Variants in POSTN observed in about 807,000 individuals in gnomAD.
The protein encoded by POSTN is periostin, also known as osteoblast specific factor 2 (fasciclin I-like).
POSTN carries 71 observed loss-of-function variants against 104.5 expected under a neutral mutation model. The observed-to-expected ratio is 0.68, with a 90% CI of 0.56 to 0.83. The LOEUF is 0.83. Among genes scored for constraint, POSTN ranks in the 40% least tolerant of loss-of-function variants. POSTN has a pLI of 0.00. For missense variants in POSTN, 949 were observed against 1,006.8 expected, an observed-to-expected ratio of 0.94 and a Z score of 0.78; for synonymous variants, 355 against 340.7, an observed-to-expected ratio of 1.04 and a Z score of -0.46.
At position 37,590,434 on chromosome 13, in the gene POSTN, C is replaced by G; in HGVS notation, c.379G>C (p.Glu127Gln). ...SDASKLREEI[E>Q]GKGSFTYFAP... is the part of the protein sequence containing the mutation. ...AAGTAAGTGAAGGATCCCTTTCCCT[C>G]GATCTCCTCCCTCAGTTTTGAGGCG... The change falls in exon 4 of 23, where the codon GAG (glutamate) becomes CAG (glutamine). Residue 127 changes from glutamate (E) to glutamine (Q), a missense_variant. Physicochemically the swap from Glu to Gln is conservative, Grantham distance 29. Transcript: ENST00000379747. 1.2e-6 allele frequency: 2 copies of G among 1,612,356 alleles called. No individual in the cohort carries two copies. Among genetic ancestry groups the G allele is most frequent in the Non-Finnish European group, 1.7e-6 (2 of 1,179,134 alleles).
At chr13:37,579,467 A>C in intron 12 of POSTN, 108 bp from the exon 13 acceptor site, 3 of 921,874 alleles carry the variant, frequency 3.3e-6, no homozygotes, top group Non-Finnish European at 4.9e-6. Context: ...GTACTTTCTC[A>C]TAATATCATT....
At chr13:37,563,506 C>T in intron 22 of POSTN, 136 bp from the exon 23 acceptor site, 1 of 403,712 alleles carries the variant, frequency 2.5e-6, no homozygotes, top group Non-Finnish European at 4.4e-6. Flanking sequence ...TTCTTAATAT[C>T]TTCAACTTAT....
At chr13:37,573,021 G>T (rs1950301281) in intron 17 of POSTN, among the ~76,000 whole-genome samples, 1 of 151,420 alleles carries the variant, frequency 6.6e-6, no homozygotes, top group South Asian at 2.1e-4. Flanking sequence ...ATGTAGAGAT[G>T]ACCCGCCAGT....
chr13:37,590,655 G>T, intron 3 of POSTN, 126 bp from the exon 4 acceptor site: 1 of 716,686 alleles, frequency 1.4e-6, no homozygotes. Context: ...ACAATTATAT[G>T]AATAATCATT....
rs772378851 is a variant in POSTN, at chr13:37,590,407, C to A, written c.406G>T (p.Ala136Ser). 1.2e-6 allele frequency: 2 copies of A among 1,602,606 alleles called. No homozygotes were observed. Among genetic ancestry groups the A allele is most frequent in the South Asian group, 1.1e-5 (1 of 89,348 alleles). ...TTGTCCCAAGCCTCATTACTCGGTG[C>A]AAAGTAAGTGAAGGATCCCTTTCCC... is the stretch of plus-strand genomic sequence containing the variant. Reference protein sequence around the residue: ...IEGKGSFTYFAPSNEAWDNLD... With the variant: ...IEGKGSFTYFSPSNEAWDNLD... The change falls in exon 4 of 23, where the codon GCA becomes TCA. Residue 136 changes from alanine to serine, a missense_variant. Transcript: ENST00000379747.
At chr13:37,595,047 A>ATTTTT (rs34055085) in intron 2 of POSTN, among the ~76,000 whole-genome samples, 1 of 144,398 alleles carries the variant, frequency 6.9e-6, no homozygotes, top group Non-Finnish European at 1.5e-5. Flanking sequence ...CAAAGTAGTG[A>ATTTTT]TTTTTTTTTT....
At chr13:37,586,337 G>A (rs2138324803) in intron 6 of POSTN, 57 bp from the exon 7 acceptor site, 1 of 1,547,854 alleles carries the variant, frequency 6.5e-7, no homozygotes, top group Admixed American at 1.8e-5. Flanking sequence ...GAAAAAGATT[G>A]CAACACACTT....
chr13:37,566,945 T>C (rs1399153623), intron 21 of POSTN, among the ~76,000 whole-genome samples: 2 of 151,934 alleles, frequency 1.3e-5, no homozygotes, highest in African/African-American at 4.8e-5. Flanking sequence ...GTACAAAAAA[T>C]GTACTACATG....
intron 2 of POSTN, 69 bp downstream of exon 2, chr13:37,597,114 CA>C: frequency 1.0e-6 from 1 of 989,860 alleles, no homozygotes. Flanking sequence ...TGTGTACACC[CA>C]GGGGAAGGCA....
At chr13:37,597,838 A>T (rs1951127681) in intron 1 of POSTN, among the ~76,000 whole-genome samples, 1 of 152,194 alleles carries the variant, frequency 6.6e-6, no homozygotes, top group Non-Finnish European at 1.5e-5. Flanking sequence ...TTTGAATGGA[A>T]GTAACAGATC....
At chr13:37,567,018 C>T (rs990161631) in intron 21 of POSTN, among the ~76,000 whole-genome samples, 34 of 150,954 alleles carry the variant, frequency 2.3e-4, no homozygotes, top group Non-Finnish European at 4.4e-4. Context: ...GGGCGGATCA[C>T]GAGGTCAGGA....
chr13:37,583,188 G>A (rs756010678), intron 9 of POSTN, among the ~76,000 whole-genome samples: 1 of 152,004 alleles, frequency 6.6e-6, no homozygotes, highest in Non-Finnish European at 1.5e-5. Flanking sequence ...CAACTACTAG[G>A]TGAAATATTT....
intron 6 of POSTN, among the ~76,000 whole-genome samples, chr13:37,586,519 TAC>T (rs1950750194): frequency 6.6e-6 from 1 of 152,196 alleles, no homozygotes; most frequent in African/African-American, 2.4e-5. Flanking sequence ...TATCCAGCAG[TAC>T]ATATAATAAC....
intron 5 of POSTN, 139 bp downstream of exon 5, chr13:37,587,683 A>G (rs1593355000): frequency 3.1e-6 from 2 of 655,656 alleles, no homozygotes; most frequent in East Asian, 6.3e-5. Flanking sequence ...CATGCCCTAG[A>G]TTTGGGGGTA....
At chr13:37,585,102 T>C (rs561506975) in intron 7 of POSTN, among the ~76,000 whole-genome samples, 174 bp from the exon 8 acceptor site, 14 of 152,186 alleles carry the variant, frequency 9.2e-5, no homozygotes, top group African/African-American at 3.4e-4. Flanking sequence ...CTATCAACTA[T>C]AAAATAGAAA....
rs1215566317 is a variant in POSTN at position 37,590,373 on chromosome 13, G to T, written c.440C>A (p.Ser147Tyr). 1.9e-6 allele frequency: 3 copies of T among 1,542,480 alleles called. No homozygotes were observed. Among genetic ancestry groups the T allele is most frequent in the Non-Finnish European group, 2.6e-6 (3 of 1,143,794 alleles). Residue 147 changes from serine to tyrosine, a missense_variant and splice_region_variant, in exon 4 of 23, where the codon TCT (serine) becomes TAT (tyrosine). Ser to Tyr is a moderately radical substitution (Grantham distance 144). Coordinates refer to ENST00000379747, the MANE Select transcript of POSTN (RefSeq NM_006475.3). ...ATATTGATAAAAATAATGAATTACAGAATCCAAGTTGTCCCAAGCCTCATT... is the reference window on the plus strand; with the variant it reads ...ATATTGATAAAAATAATGAATTACATAATCCAAGTTGTCCCAAGCCTCATT... ...PSNEAWDNLD[S>Y]DIRRGLESNV... is the part of the protein sequence containing the mutation.
intron 2 of POSTN, among the ~76,000 whole-genome samples, chr13:37,592,530 C>A (rs1196782398): frequency 6.6e-6 from 1 of 152,316 alleles, no homozygotes; most frequent in African/African-American, 2.4e-5. Flanking sequence ...AATTTCCTGA[C>A]CTCATGATCC....
intron 22 of POSTN, among the ~76,000 whole-genome samples, chr13:37,564,194 A>AACAT (rs560767316): frequency 0.052 from 3,588 of 69,652 alleles, 68 homozygotes; most frequent in Non-Finnish European, 0.086. Context: ...ATATATATAT[A>AACAT]TATATATATA....
Position 37,587,817 on chromosome 13 carries a change from C to T in POSTN, c.606+5G>A. On this transcript the variant is annotated splice_donor_5th_base_variant and intron_variant, in intron 5 of 22. Transcript: ENST00000379747. ...ATAAGTGTACTTTTTACTGATAAAACTTACCCCATTAGGATAATGGTTAAT... is the reference window on the plus strand; with the variant it reads ...ATAAGTGTACTTTTTACTGATAAAATTTACCCCATTAGGATAATGGTTAAT... 1 of 1,566,394 alleles carries T rather than the reference C, an allele frequency of 6.4e-7. No homozygotes were observed. The highest frequency in any genetic ancestry group is 1.4e-5 in the African/African-American group (1 of 73,266).
Sources: gnomAD v4.1 joint callset for allele counts (sites outside exome capture counted in the v4.1 genomes callset) on GRCh38, gnomAD v4.1.1 for gene constraint, MANE v1.5 for transcripts, NCBI Gene and HGNC (gene_info 2026-07-23, HGNC 2026-07-21) for gene names.